Variants in C18orf54 observed in about 807,000 individuals in gnomAD.
C18orf54 encodes lung adenoma susceptibility protein 2.
In C18orf54, 49 loss-of-function variants were observed where a neutral mutation model predicts 49.3. The ratio of observed to expected loss-of-function variants is 0.99; its 90% CI spans 0.79 to 1.26. C18orf54 has a LOEUF of 1.26. Ranked by LOEUF, C18orf54 falls within the 50% of genes most tolerant of loss-of-function variation. C18orf54 has a pLI of 0.00. For missense variants in C18orf54, 687 were observed against 620.6 expected, an observed-to-expected ratio of 1.11 and a Z score of -1.14; for synonymous variants, 211 against 216.6, an observed-to-expected ratio of 0.97 and a Z score of 0.23.
intron 6 of C18orf54, among the ~76,000 whole-genome samples, chr18:54,366,941 T>C (rs1316904201): frequency 6.6e-6 from 1 of 152,162 alleles, no homozygotes; most frequent in Non-Finnish European, 1.5e-5. Context: ...CTACAGTTGT[T>C]GACTTAGTCT....
At chr18:54,362,972 C>T (rs1218889311) in intron 5 of C18orf54, 51 bp downstream of exon 5, 3 of 1,496,530 alleles carry the variant, frequency 2.0e-6, no homozygotes, top group South Asian at 1.2e-5. Context: ...TGAAAAATGT[C>T]ATGCGAATAT....
chr18:54,362,422 C>A lies in C18orf54; in HGVS notation c.1063C>A (p.Pro355Thr). ...ACTTCTCCCAGGACAATCCACAAAG[C>A]CATTCAGTGGTAATACTTTGTTTAT... ...NPLLPGQSTK[P>T]FSGDKIELLI... The change falls in exon 4 of 9, where the codon CCA becomes ACA. Residue 355 changes from proline (P) to threonine (T), a missense_variant. Coordinates refer to ENST00000620105, the MANE Select transcript of C18orf54 (RefSeq NM_001288980.2). 1 of 1,510,486 alleles carries A rather than the reference C, an allele frequency of 6.6e-7. No homozygotes were observed. Among genetic ancestry groups the A allele is most frequent in the Non-Finnish European group, 8.8e-7 (1 of 1,134,796 alleles). 93.6% of individuals were successfully genotyped at this position (1,510,486 alleles called of 1,614,324 possible).
chr18:54,378,262 T>G lies in C18orf54; in HGVS notation c.*16T>G. Reference sequence around the variant, plus strand: ...GAAAATGTGAAGAGGAAAATGAAACTGTCACCACAATGAATAGTCACCACA... The same window carrying G: ...GAAAATGTGAAGAGGAAAATGAAACGGTCACCACAATGAATAGTCACCACA... On this transcript the variant is annotated 3_prime_UTR_variant, in exon 9 of 9. Transcript: ENST00000620105. The G allele has an allele frequency of 1.2e-6, 2 of 1,605,576 alleles. No homozygotes were observed. The highest frequency in any genetic ancestry group is 8.5e-7 in the Non-Finnish European group (1 of 1,172,616).
chr18:54,361,700 C>G lies in C18orf54; in HGVS notation c.341C>G (p.Thr114Ser), dbSNP rs145808382. ...AACTTCATATCCTGTAGAAGACACACCGTTAATGACATAGACTCCATGAGC... is the reference window on the plus strand; with the variant it reads ...AACTTCATATCCTGTAGAAGACACAGCGTTAATGACATAGACTCCATGAGC... ...HSNFISCRRH[T>S]VNDIDSMSLT... Residue 114 changes from threonine (T) to serine (S), a missense_variant, in exon 4 of 9, where the codon ACC becomes AGC. Coordinates refer to ENST00000620105, the MANE Select transcript of C18orf54 (RefSeq NM_001288980.2). 186 of 1,613,476 alleles carry G rather than the reference C, an allele frequency of 1.2e-4. 3 individuals carry two copies. Among genetic ancestry groups the G allele is most frequent in the African/African-American group, 6.0e-4 (45 of 74,888 alleles).
chr18:54,363,745 T>G (rs1328804198), intron 5 of C18orf54, among the ~76,000 whole-genome samples: 1 of 152,230 alleles, frequency 6.6e-6, no homozygotes, highest in Non-Finnish European at 1.5e-5. Context: ...TAGGCTTTGA[T>G]AATTTATTAT....
At chr18:54,363,043 G>A (rs1181203397) in intron 5 of C18orf54, 122 bp downstream of exon 5, 2 of 966,228 alleles carry the variant, frequency 2.1e-6, no homozygotes, top group Admixed American at 3.2e-5. Flanking sequence ...ACATAGCTTT[G>A]TGTTACTTGC....
chr18:54,361,156 G>T (rs1010667562), intron 3 of C18orf54, among the ~76,000 whole-genome samples: 1 of 152,158 alleles, frequency 6.6e-6, no homozygotes, highest in African/African-American at 2.4e-5. Flanking sequence ...AATAGAAAAA[G>T]TTTGTATTCA....
chr18:54,376,401 G>A (rs1390615870), intron 8 of C18orf54, among the ~76,000 whole-genome samples: 5 of 152,214 alleles, frequency 3.3e-5, no homozygotes, highest in Non-Finnish European at 7.3e-5. Context: ...GTTTCGCCAT[G>A]TTGGCCAGGC....
In C18orf54 at chr18:54,361,630, C is replaced by A. The variant is rs1599325220; in HGVS notation, c.284-13C>A. ...TTTGTATGTAATAAACAAAACTGTT[C>A]TTCGTTTTTCAGCTTTTGAAAACCT... is the stretch of plus-strand genomic sequence containing the variant. On this transcript the variant is annotated splice_polypyrimidine_tract_variant and intron_variant, in intron 3 of 8. Coordinates refer to ENST00000620105, the MANE Select transcript of C18orf54 (RefSeq NM_001288980.2). 1 of 1,566,386 alleles carries A rather than the reference C, an allele frequency of 6.4e-7. No individual in the cohort carries two copies. The highest frequency in any genetic ancestry group is 1.4e-5 in the African/African-American group (1 of 72,464).
chr18:54,375,266 A>G (rs1325364544), intron 8 of C18orf54, among the ~76,000 whole-genome samples: 1 of 151,850 alleles, frequency 6.6e-6, no homozygotes, highest in African/African-American at 2.4e-5. Context: ...AACCTTATGA[A>G]GTAAGTACTA....
chr18:54,357,974 A>T lies in C18orf54; in HGVS notation c.-245A>T, dbSNP rs2089176818. On this transcript the variant is annotated 5_prime_UTR_variant, in exon 1 of 9. Coordinates refer to ENST00000620105, the MANE Select transcript of C18orf54 (RefSeq NM_001288980.2). ...TGCTGTGACTGCGGAGGAAGCTGCGAGTGAGCCGAGCCTGAGGCGGGGCGG... is the reference window on the plus strand; with the variant it reads ...TGCTGTGACTGCGGAGGAAGCTGCGTGTGAGCCGAGCCTGAGGCGGGGCGG... 1 of 152,610 alleles carries T rather than the reference A, an allele frequency of 6.6e-6. No homozygotes were observed. Among genetic ancestry groups the T allele is most frequent in the Non-Finnish European group, 1.5e-5 (1 of 68,302 alleles). 9.5% of individuals were successfully genotyped at this position (152,610 alleles called of 1,614,324 possible). A position where few individuals can be genotyped will look rare whatever the true frequency, so the allele number is the denominator to read the frequency against.
Position 54,365,824 on chromosome 18 carries a change from G to T in C18orf54, c.1326+3G>T. 6.5e-7 allele frequency: 1 copy of T among 1,530,452 alleles called. No homozygotes were observed. Among genetic ancestry groups the T allele is most frequent in the South Asian group, 1.2e-5 (1 of 80,336 alleles). 94.8% of individuals were successfully genotyped at this position (1,530,452 alleles called of 1,614,324 possible). A position where few individuals can be genotyped will look rare whatever the true frequency, so the allele number is the denominator to read the frequency against. The stretch of plus-strand genomic sequence containing the variant: ...ACTTTCTAAATAATGATAATCAGGT[G>T]GGTGAAATTAAAAGTTTTAAAACTT... On this transcript the variant is annotated splice_donor_region_variant and intron_variant, in intron 6 of 8. Transcript: ENST00000620105.
Position 54,378,349 on chromosome 18 carries a change from T to A in C18orf54, c.*103T>A. 9.6e-7 allele frequency: 1 copy of A among 1,041,940 alleles called. No individual in the cohort carries two copies. The highest frequency in any genetic ancestry group is 1.4e-6 in the Non-Finnish European group (1 of 707,158). 64.5% of individuals were successfully genotyped at this position (1,041,940 alleles called of 1,614,324 possible). A position where few individuals can be genotyped will look rare whatever the true frequency, so the allele number is the denominator to read the frequency against. On this transcript the variant is annotated 3_prime_UTR_variant, in exon 9 of 9. Coordinates refer to ENST00000620105, the MANE Select transcript of C18orf54 (RefSeq NM_001288980.2). ...AAAGTAAATATAAGCCATACATTAT[T>A]TTGTGGTTGGTTCAAGGATTATATA...
intron 6 of C18orf54, among the ~76,000 whole-genome samples, chr18:54,371,446 G>C (rs958171886): frequency 4.6e-5 from 7 of 152,172 alleles, no homozygotes; most frequent in Middle Eastern, 3.4e-3. Context: ...ATTTTGTTGT[G>C]AACATGGGTA....
chr18:54,367,157 A>C (rs1272227910), intron 6 of C18orf54, among the ~76,000 whole-genome samples: 2 of 152,070 alleles, frequency 1.3e-5, no homozygotes, highest in African/African-American at 4.8e-5. Flanking sequence ...GTTCACGTTC[A>C]AGGTTAATAT....
intron 8 of C18orf54, 67 bp from the exon 9 acceptor site, chr18:54,378,107 G>A (rs1568193319): frequency 7.7e-6 from 8 of 1,035,606 alleles, no homozygotes; most frequent in Admixed American, 2.8e-5. Flanking sequence ...TTATTTTTTT[G>A]CTGTCTGCAT....
chr18:54,370,102 C>G (rs2089459812), intron 6 of C18orf54, among the ~76,000 whole-genome samples: 2 of 151,944 alleles, frequency 1.3e-5, no homozygotes, highest in African/African-American at 4.8e-5. Flanking sequence ...CGGTGAAACC[C>G]TGTCTCTACT....
At position 54,360,565 on chromosome 18, in the gene C18orf54, A is replaced by T. The variant is rs367885391; in HGVS notation, c.-8A>T. ...AAATGAATAGAAACAATCCACTTTG[A>T]AGAAGCCATGGCGAAATCAAAGACA... On this transcript the variant is annotated 5_prime_UTR_variant, in exon 3 of 9. An upstream open reading frame in the 5' UTR loses its in-frame stop. Coordinates refer to ENST00000620105, the MANE Select transcript of C18orf54 (RefSeq NM_001288980.2). The T allele has an allele frequency of 1.0e-4, 164 of 1,612,720 alleles. No homozygotes were observed. Among genetic ancestry groups the T allele is most frequent in the Non-Finnish European group, 1.3e-4 (151 of 1,179,202 alleles).
chr18:54,376,783 G>A (rs191675705), intron 8 of C18orf54, among the ~76,000 whole-genome samples: 6 of 152,332 alleles, frequency 3.9e-5, no homozygotes, highest in African/African-American at 7.2e-5. Flanking sequence ...TTACATTTGA[G>A]TAAAAGTATC....
Sources: gnomAD v4.1 joint callset for allele counts (sites outside exome capture counted in the v4.1 genomes callset) on GRCh38, gnomAD v4.1.1 for gene constraint, MANE v1.5 for transcripts, NCBI Gene and HGNC (gene_info 2026-07-23, HGNC 2026-07-21) for gene names.